The following EAF2 variants were observed in gnomAD, a reference collection of about 807,000 sequenced individuals.
EAF2 encodes ELL associated factor 2.
Under a neutral mutation model 29.4 loss-of-function variants are expected in EAF2, and 29 were observed. The observed-to-expected ratio is 0.99, with a 90% CI of 0.73 to 1.35. The LOEUF (loss-of-function observed/expected upper bound fraction) is 1.35. Ranked by LOEUF, EAF2 falls within the 40% of genes most tolerant of loss-of-function variation. The pLI is 0.00. For missense variants in EAF2, 292 were observed against 312.0 expected, an observed-to-expected ratio of 0.94 and a Z score of 0.48; for synonymous variants, 103 against 102.5, an observed-to-expected ratio of 1.00 and a Z score of -0.03.
intron 5 of EAF2, among the ~76,000 whole-genome samples, chr3:121,878,160 A>T (rs560187362): frequency 8.5e-5 from 13 of 152,308 alleles, no homozygotes; most frequent in Admixed American, 5.2e-4. Flanking sequence ...CTAACAAAAT[A>T]GACCAATAGA....
rs1167466790 is a variant in EAF2 at position 121,840,515 on chromosome 3, A to AAAAAAAAC, written c.107-3932_107-3931insACAAAAAA. On this transcript the variant is annotated intron_variant, in intron 1 of 5. Coordinates refer to ENST00000273668, the MANE Select transcript of EAF2 (RefSeq NM_018456.6). Reference sequence around the variant, plus strand: ...AAAAAAAAAAAAAAAAAAAGAAAAAAAAAAAACGGGCCGGGTGCGGTGGCT... The same window carrying AAAAAAAAC: ...AAAAAAAAAAAAAAAAAAAGAAAAAAAAAAAAACAAAAAACGGGCCGGGTGCGGTGGCT... Among the ~76,000 whole-genome samples, 202 of 97,926 alleles carry AAAAAAAAC rather than the reference A, an allele frequency of 2.1e-3. 13 individuals carry two copies. The highest frequency in any genetic ancestry group is 3.1e-3 in the South Asian group (9 of 2,858). 64.2% of individuals were successfully genotyped at this position (97,926 alleles called of 152,430 possible). A position where few individuals can be genotyped will look rare whatever the true frequency, so the allele number is the denominator to read the frequency against.
intron 5 of EAF2, among the ~76,000 whole-genome samples, chr3:121,879,235 G>C (rs1365250153): frequency 6.6e-6 from 1 of 151,964 alleles, no homozygotes; most frequent in Non-Finnish European, 1.5e-5. Context: ...TATTATATGG[G>C]GGTTCTTTGG....
At chr3:121,860,750 G>T (rs1423341542) in intron 4 of EAF2, among the ~76,000 whole-genome samples, 1 of 151,842 alleles carries the variant, frequency 6.6e-6, no homozygotes, top group Non-Finnish European at 1.5e-5. Flanking sequence ...TTAGTTCTTT[G>T]ACTGGTGATG....
chr3:121,862,489 C>T (rs1000057119), intron 4 of EAF2, among the ~76,000 whole-genome samples: 3 of 152,186 alleles, frequency 2.0e-5, no homozygotes, highest in Non-Finnish European at 4.4e-5. Context: ...GGAAGCATCA[C>T]GTAGTTCTCG....
chr3:121,874,742 T>C (rs1709068958), intron 5 of EAF2, among the ~76,000 whole-genome samples: 1 of 151,980 alleles, frequency 6.6e-6, no homozygotes, highest in Non-Finnish European at 1.5e-5. Flanking sequence ...TAAAACCCCT[T>C]CTGTGCCAAA....
At chr3:121,875,474 A>G (rs1326053463) in intron 5 of EAF2, among the ~76,000 whole-genome samples, 1 of 151,984 alleles carries the variant, frequency 6.6e-6, no homozygotes, top group Non-Finnish European at 1.5e-5. Flanking sequence ...GGTGGAACGA[A>G]CTACAAAACC....
intron 5 of EAF2, among the ~76,000 whole-genome samples, chr3:121,879,713 A>G (rs1432822052): frequency 6.6e-6 from 1 of 151,474 alleles, no homozygotes; most frequent in Non-Finnish European, 1.5e-5. Context: ...TTTGTGAAAA[A>G]TCAATTGACT....
chr3:121,867,604 A>G (rs1708948303), intron 4 of EAF2, among the ~76,000 whole-genome samples: 1 of 152,218 alleles, frequency 6.6e-6, no homozygotes, highest in Admixed American at 6.5e-5. Flanking sequence ...AACTGAAAGA[A>G]TTTGTTCCTA....
chr3:121,851,001 A>G (rs1358941973), intron 2 of EAF2, among the ~76,000 whole-genome samples: 1 of 152,042 alleles, frequency 6.6e-6, no homozygotes, highest in Non-Finnish European at 1.5e-5. Context: ...GTGCCCGGCC[A>G]AGTCTATTCT....
intron 2 of EAF2, among the ~76,000 whole-genome samples, chr3:121,845,492 T>C (rs1360452115): frequency 1.4e-5 from 2 of 138,064 alleles, no homozygotes; most frequent in Non-Finnish European, 3.2e-5. Context: ...AGAAAAATGA[T>C]TGATAGCAAC....
chr3:121,841,752 G>T (rs1708437244), intron 1 of EAF2, among the ~76,000 whole-genome samples: 1 of 151,784 alleles, frequency 6.6e-6, no homozygotes, highest in African/African-American at 2.4e-5. Context: ...GCTCACGCCT[G>T]TAATCCCAGC....
At chr3:121,842,505 G>A (rs938092411) in intron 1 of EAF2, among the ~76,000 whole-genome samples, 8 of 152,168 alleles carry the variant, frequency 5.3e-5, no homozygotes, top group African/African-American at 1.9e-4. Flanking sequence ...TCTTGGGCAA[G>A]GAACTTAATT....
intron 2 of EAF2, among the ~76,000 whole-genome samples, chr3:121,852,436 ACTAAGTGCTCCACAT>A (rs1357155821): frequency 2.6e-5 from 4 of 152,176 alleles, no homozygotes; most frequent in Non-Finnish European, 1.5e-5. Flanking sequence ...CAGGGCTTCA[ACTAAGTGCTCCACAT>A]CTAACCGTTT....
At position 121,844,438 on chromosome 3, in the gene EAF2, T is replaced by C. The variant is rs11721291; in HGVS notation, c.107-15T>C. On this transcript the variant is annotated splice_polypyrimidine_tract_variant and intron_variant, in intron 1 of 5. Transcript: ENST00000273668. ...ATTACATTTTACAAAAATTGGTATT[T>C]GTATCTATTTTTAGATGACTTCAAA... is the stretch of plus-strand genomic sequence containing the variant. 0.26 allele frequency: 393,721 copies of C among 1,519,214 alleles called. 54,638 individuals are homozygous for C. The highest frequency in any genetic ancestry group is 0.29 in the Non-Finnish European group (315,956 of 1,106,320). The allele number at this position is 1,519,214 out of a possible 1,614,324, so 94.1% of individuals were successfully genotyped here.
intron 4 of EAF2, among the ~76,000 whole-genome samples, chr3:121,858,792 T>A (rs1576646435): frequency 6.6e-6 from 1 of 152,244 alleles, no homozygotes; most frequent in East Asian, 1.9e-4. Context: ...CTAGCGTTTT[T>A]ATGGTTTTAG....
chr3:121,856,991 T>C lies in EAF2; in HGVS notation c.339-20T>C, dbSNP rs371195061. The C allele has an allele frequency of 3.4e-5, 54 of 1,599,460 alleles. No homozygotes were observed. The highest frequency in any genetic ancestry group is 4.4e-5 in the Non-Finnish European group (52 of 1,174,250). On this transcript the variant is annotated intron_variant, in intron 3 of 5. Transcript: ENST00000273668. Reference sequence around the variant, plus strand: ...CATTGCTGTCATACCTGTTTCAATATTTGATATTCTTAATTGCAGAGTTGA... The same window carrying C: ...CATTGCTGTCATACCTGTTTCAATACTTGATATTCTTAATTGCAGAGTTGA...
Position 121,842,308 on chromosome 3 carries a change from A to G in EAF2, c.107-2145A>G, listed in dbSNP as rs538027893. On this transcript the variant is annotated intron_variant, in intron 1 of 5. Coordinates refer to ENST00000273668, the MANE Select transcript of EAF2 (RefSeq NM_018456.6). ...ATTTTATGAGGCAGTTACTTCATTT[A>G]TACTGTATATATCCATATTAAATGA... Among the ~76,000 whole-genome samples, 5 of 152,348 alleles carry G rather than the reference A, an allele frequency of 3.3e-5. No homozygotes were observed. The South Asian group carries it at 1.0e-3, about 32-fold the overall frequency.
chr3:121,861,347 G>T (rs1171637489), intron 4 of EAF2, among the ~76,000 whole-genome samples: 1 of 152,076 alleles, frequency 6.6e-6, no homozygotes, highest in East Asian at 1.9e-4. Context: ...TATGAATCTG[G>T]GTACTCCTGT....
At chr3:121,861,655 A>G (rs1416371009) in intron 4 of EAF2, among the ~76,000 whole-genome samples, 1 of 152,160 alleles carries the variant, frequency 6.6e-6, no homozygotes, top group African/African-American at 2.4e-5. Flanking sequence ...TAATTGGAGC[A>G]TTTAGCTTAT....
Sources: gnomAD v4.1 joint callset for allele counts (sites outside exome capture counted in the v4.1 genomes callset) on GRCh38, gnomAD v4.1.1 for gene constraint, MANE v1.5 for transcripts, NCBI Gene and HGNC (gene_info 2026-07-23, HGNC 2026-07-21) for gene names.